CTNNAL1: variants seen among roughly 807,000 people sequenced by gnomAD.
CTNNAL1 encodes catenin alpha like 1, also known as alpha-catulin.
A neutral mutation model predicts 93.6 loss-of-function variants in CTNNAL1; 69 were observed. The observed-to-expected ratio is 0.74, with a 90% confidence interval of 0.61 to 0.90. CTNNAL1 has a LOEUF of 0.90. Ranked by LOEUF, CTNNAL1 falls within the 40% of genes least tolerant of loss-of-function variation. The probability of loss-of-function intolerance (pLI) is 0.00; values close to 1 mark genes in which losing one functional copy is unlikely to be tolerated. For missense variants in CTNNAL1, 836 were observed against 862.0 expected (o/e 0.97, Z 0.38); for synonymous variants, 286 against 305.4 (o/e 0.94, Z 0.66).
chr9:108,959,476 G>GC (rs1285536038), intron 11 of CTNNAL1, among the ~76,000 whole-genome samples: 1 of 150,768 alleles, frequency 6.6e-6, no homozygotes, highest in African/African-American at 2.4e-5. Context: ...TGTAGTTCTA[G>GC]ATATGTGGGA....
rs118011482 is a variant in CTNNAL1, at chr9:109,008,346, G to A, written c.141+4956C>T. Among the ~76,000 whole-genome samples the A allele has an allele frequency of 7.9e-5, 12 of 151,730 alleles. 1 individual carries two copies. Among genetic ancestry groups the A allele is most frequent in the Admixed American group, 4.6e-4 (7 of 15,254 alleles). On this transcript the variant is annotated intron_variant, in intron 1 of 18. Transcript: ENST00000325551. ...TAACTTTTGTATTTTTAGTAGAGAC[G>A]GGGTTGGTCAGGCAGGTCTCAAACT...
intron 4 of CTNNAL1, among the ~76,000 whole-genome samples, chr9:108,987,187 T>C (rs1266104376): frequency 2.0e-5 from 3 of 152,064 alleles, no homozygotes; most frequent in South Asian, 2.1e-4. Context: ...CTTTAATCCG[T>C]CTTGAATTAA....
rs370545789 is a variant in CTNNAL1, at chr9:108,942,874, GA to G, written c.2140-41del. The G allele has an allele frequency of 9.9e-4, 1,591 of 1,602,432 alleles. 15 individuals carry two copies. The African/African-American group carries it at 0.018, about 18-fold the overall frequency. On this transcript the variant is annotated intron_variant, in intron 18 of 18. Coordinates refer to ENST00000325551, the MANE Select transcript of CTNNAL1 (RefSeq NM_003798.4). ...GACAATTAGTATCTGGTTTCACTCTGAAAAAAAAATTACAAAATTAAGTAGT... is the reference window on the plus strand; with the variant it reads ...GACAATTAGTATCTGGTTTCACTCTGAAAAAAAATTACAAAATTAAGTAGT...
chr9:108,984,734 G>A (rs546045299), intron 4 of CTNNAL1, among the ~76,000 whole-genome samples: 35 of 152,252 alleles, frequency 2.3e-4, no homozygotes, highest in African/African-American at 7.0e-4. Flanking sequence ...ACATTCTCAC[G>A]TCAAATGCAC....
chr9:108,965,489 T>C lies in CTNNAL1; in HGVS notation c.1480A>G (p.Ser494Gly), dbSNP rs2132118888. Residue 494 changes from serine (S) to glycine (G), a missense_variant, in exon 11 of 19, where the codon AGT becomes GGT. Coordinates refer to ENST00000325551, the MANE Select transcript of CTNNAL1 (RefSeq NM_003798.4). Reference sequence around the variant, plus strand: ...TCTAGGTTTTCTTTAGCAATTTTACTAGATGGATGCAATGTCAATGTTTCA... The same window carrying C: ...TCTAGGTTTTCTTTAGCAATTTTACCAGATGGATGCAATGTCAATGTTTCA... ...AAETLTLHPS[S>G]KIAKENLDVF... 3 of 1,590,172 alleles carry C rather than the reference T, an allele frequency of 1.9e-6. No individual in the cohort carries two copies. The highest frequency in any genetic ancestry group is 4.6e-5 in the East Asian group (2 of 43,672).
intron 11 of CTNNAL1, among the ~76,000 whole-genome samples, chr9:108,958,242 C>T (rs1337273008): frequency 1.3e-5 from 2 of 152,040 alleles, no homozygotes; most frequent in African/African-American, 4.8e-5. Context: ...CTAAAATGTT[C>T]ATATTTACTC....
chr9:108,979,473 A>C lies in CTNNAL1; in HGVS notation c.909T>G (p.Ile303Met). 6.2e-7 allele frequency: 1 copy of C among 1,613,916 alleles called. No individual in the cohort carries two copies. The highest frequency in any genetic ancestry group is 8.5e-7 in the Non-Finnish European group (1 of 1,179,896). The change falls in exon 7 of 19, where the codon ATT (isoleucine) becomes ATG (methionine). Residue 303 changes from isoleucine (I) to methionine (M), a missense_variant. Coordinates refer to ENST00000325551, the MANE Select transcript of CTNNAL1 (RefSeq NM_003798.4). Reference protein sequence around the residue: ...FTGIKEFKMNIEALRENLYFQ... With the variant: ...FTGIKEFKMNMEALRENLYFQ... ...AATAAAGATTCTCCCGAAGAGCTTC[A>C]ATATTCATCTGAGAACAAAAAGGAC... is the stretch of plus-strand genomic sequence containing the variant.
intron 2 of CTNNAL1, among the ~76,000 whole-genome samples, chr9:108,994,017 G>A (rs896688643): frequency 6.6e-6 from 1 of 152,146 alleles, no homozygotes; most frequent in Non-Finnish European, 1.5e-5. Context: ...ATCACCTGAG[G>A]TCAGGAGTTC....
At chr9:108,958,063 C>CAAA (rs11291554) in intron 11 of CTNNAL1, among the ~76,000 whole-genome samples, 3,457 of 84,956 alleles carry the variant, frequency 0.041, 90 homozygotes, top group East Asian at 0.098. Flanking sequence ...AAGACTGTCT[C>CAAA]AAAAAAAAAA....
Position 108,952,500 on chromosome 9 carries a change from A to T in CTNNAL1, c.1630-6T>A, listed in dbSNP as rs1371126931. 3.1e-6 allele frequency: 5 copies of T among 1,614,124 alleles called. No homozygotes were observed. The East Asian group carries it at 1.1e-4, about 36-fold the overall frequency. On this transcript the variant is annotated splice_polypyrimidine_tract_variant and splice_region_variant and intron_variant, in intron 12 of 18. Coordinates refer to ENST00000325551, the MANE Select transcript of CTNNAL1 (RefSeq NM_003798.4). ...TTCAGGTTTGCATTATTCTTCTGTG[A>T]CAATAAAAAGATTAAGATTATCTTA...
chr9:108,943,512 CTACTT>C (rs975923690), intron 17 of CTNNAL1, among the ~76,000 whole-genome samples, 186 bp downstream of exon 17: 8 of 152,080 alleles, frequency 5.3e-5, no homozygotes, highest in African/African-American at 1.7e-4. Context: ...GTCCAAAAAA[CTACTT>C]TATTTGGTGA....
At position 108,942,820 on chromosome 9, in the gene CTNNAL1, A is replaced by AT; in HGVS notation, c.2153dup (p.Asn718LysfsTer2). 1 of 1,613,740 alleles carries AT rather than the reference A, an allele frequency of 6.2e-7. No individual in the cohort carries two copies. Among genetic ancestry groups the AT allele is most frequent in the Non-Finnish European group, 8.5e-7 (1 of 1,179,822 alleles). ...TATTTGTAACTGAGACCCATCCGTT[A>AT]TTTTCCATCTGAAGCTGGAAAGAGT... On this transcript the variant is annotated frameshift_variant, in exon 19 of 19. Transcript: ENST00000325551. LOFTEE classifies it high-confidence loss of function.
intron 5 of CTNNAL1, 55 bp downstream of exon 5, chr9:108,984,292 T>C (rs761299211): frequency 4.6e-6 from 4 of 860,548 alleles, no homozygotes; most frequent in Non-Finnish European, 7.8e-6. Context: ...TAAATGCATT[T>C]AGTCGGGTGT....
At chr9:108,952,091 T>G in intron 14 of CTNNAL1, 118 bp downstream of exon 14, 1 of 789,816 alleles carries the variant, frequency 1.3e-6, no homozygotes, top group Non-Finnish European at 1.9e-6. Flanking sequence ...CTACTTTTAG[T>G]CTTTTTACCA....
chr9:108,950,621 C>T (rs1040102869), intron 14 of CTNNAL1: 154 of 1,548,484 alleles, frequency 9.9e-5, no homozygotes, highest in Non-Finnish European at 1.2e-4. Flanking sequence ...GGAATCTTCA[C>T]GAGCACAGGA....
chr9:108,997,747 C>A (rs537627913), intron 2 of CTNNAL1, among the ~76,000 whole-genome samples: 1 of 152,214 alleles, frequency 6.6e-6, no homozygotes, highest in African/African-American at 2.4e-5. Flanking sequence ...CACATCCAAA[C>A]CATCAGCCAA....
At chr9:108,988,616 G>A (rs901740005) in intron 4 of CTNNAL1, among the ~76,000 whole-genome samples, 2 of 152,136 alleles carry the variant, frequency 1.3e-5, no homozygotes, top group African/African-American at 4.8e-5. Flanking sequence ...TACACAGTTT[G>A]GCCTGCCCAC....
At chr9:108,981,699 C>T (rs150049743) in intron 6 of CTNNAL1, among the ~76,000 whole-genome samples, 3 of 152,004 alleles carry the variant, frequency 2.0e-5, no homozygotes, top group African/African-American at 7.3e-5. Context: ...CCAAGGTGGG[C>T]GGATCACCTG....
At chr9:108,945,424 GT>G (rs889152184) in intron 15 of CTNNAL1, among the ~76,000 whole-genome samples, 20 of 138,000 alleles carry the variant, frequency 1.4e-4, no homozygotes, top group African/African-American at 5.3e-4. Flanking sequence ...AATGTATTTT[GT>G]TTTTTTTTAC....
Sources: gnomAD v4.1 joint callset for allele counts (sites outside exome capture counted in the v4.1 genomes callset) on GRCh38, gnomAD v4.1.1 for gene constraint, MANE v1.5 for transcripts, NCBI Gene and HGNC (gene_info 2026-07-23, HGNC 2026-07-21) for gene names.